The following ALG13 variants were observed in gnomAD, a reference collection of about 807,000 sequenced individuals.
The protein encoded by ALG13 is UDP-N-acetylglucosamine transferase subunit ALG13.
A neutral mutation model predicts 87.8 loss-of-function variants in ALG13; 11 were observed. That is an observed-to-expected ratio of 0.13 (90% CI 0.08 to 0.21). The LOEUF (loss-of-function observed/expected upper bound fraction) is 0.21, where lower values mean the gene tolerates loss of function less well. Ranked by LOEUF, ALG13 falls within the 10% of genes least tolerant of loss-of-function variation. The pLI, the probability that ALG13 is intolerant of heterozygous loss-of-function variation, is 1.00. For missense variants in ALG13, 756 were observed against 866.1 expected (o/e 0.87, Z 1.60); for synonymous variants, 320 against 306.3 (o/e 1.04, Z -0.47).
intron 13 of ALG13, among the ~76,000 whole-genome samples, 171 bp from the exon 14 acceptor site, chrX:111,723,627 T>A (rs1941660345): frequency 8.9e-6 from 1 of 112,106 alleles, no homozygotes; most frequent in African/African-American, 3.2e-5. Context: ...ATTTAGTGAT[T>A]AGATGTAAGG....
At chrX:111,693,558 T>G (rs972586613) in intron 3 of ALG13, among the ~76,000 whole-genome samples, 6 of 111,931 alleles carry the variant, frequency 5.4e-5, no homozygotes, top group African/African-American at 1.6e-4. Flanking sequence ...AATACATGCT[T>G]CTTAATGTTG....
At chrX:111,696,968 G>A (rs1037625932) in intron 3 of ALG13, among the ~76,000 whole-genome samples, 1 of 102,365 alleles carries the variant, frequency 9.8e-6, no homozygotes, top group Non-Finnish European at 2.0e-5. Flanking sequence ...CAGTGAAATT[G>A]CTCTGGTTCT....
chrX:111,738,480 G>T (rs1231756417), intron 23 of ALG13, among the ~76,000 whole-genome samples: 1 of 112,168 alleles, frequency 8.9e-6, no homozygotes, highest in East Asian at 2.8e-4. Context: ...TCAAATTAGG[G>T]ATACCCACTC....
chrX:111,739,304 A>G (rs990555424), intron 23 of ALG13, among the ~76,000 whole-genome samples: 1 of 112,150 alleles, frequency 8.9e-6, no homozygotes. Flanking sequence ...CGCTCCCATG[A>G]TCCAGCCACC....
intron 16 of ALG13, 28 bp downstream of exon 16, chrX:111,727,083 A>G (rs1403811245): frequency 1.5e-5 from 18 of 1,206,890 alleles, no homozygotes; most frequent in Non-Finnish European, 2.0e-5. Flanking sequence ...TTGTATTTTC[A>G]TGGTCTAGGG....
At position 111,684,981 on chromosome X, in the gene ALG13, G is replaced by A; in HGVS notation, c.261G>A (p.Leu87=). The A allele has an allele frequency of 8.3e-7, 1 of 1,208,171 alleles. No individual in the cohort carries two copies. Among genetic ancestry groups the A allele is most frequent in the South Asian group, 1.8e-5 (1 of 56,340 alleles). Reference sequence around the variant, plus strand: ...TATTTGTAGGTGCAGGAAGCTGTTTGGAGACTCTGGAAAAAGGAAAGCCAC... The same window carrying A: ...TATTTGTAGGTGCAGGAAGCTGTTTAGAGACTCTGGAAAAAGGAAAGCCAC... ...VISHAGAGSC[L]ETLEKGKPLV... The change falls in exon 3 of 27, where the codon TTG becomes TTA. Residue 87 remains leucine, a synonymous_variant. Transcript: ENST00000394780.
intron 3 of ALG13, among the ~76,000 whole-genome samples, chrX:111,690,931 G>C (rs1936022415): frequency 9.0e-6 from 1 of 110,943 alleles, no homozygotes; most frequent in Admixed American, 9.6e-5. Context: ...CCTCTGATTT[G>C]TTCATAAATG....
In ALG13 at chrX:111,688,715, TTAACTG is replaced by T. The variant is rs1296880447; in HGVS notation, c.383+3617_383+3622del. On this transcript the variant is annotated intron_variant, in intron 3 of 26. Coordinates refer to ENST00000394780, the MANE Select transcript of ALG13 (RefSeq NM_001099922.3). ...CTCCTCTCACAGTGGTAATGAAACA[TTAACTG>T]TAACAGAAATTTACAATTTATGTGC... The T allele has an allele frequency of 5.4e-6, 4 of 746,598 alleles. No homozygotes were observed. In the African/African-American group the frequency reaches 9.3e-5, roughly 17 times the overall value. The allele number at this position is 746,598 out of a possible 1,213,427, so 61.5% of individuals were successfully genotyped here.
At chrX:111,741,781 C>T (rs1404234036) in intron 23 of ALG13, among the ~76,000 whole-genome samples, 3 of 108,144 alleles carry the variant, frequency 2.8e-5, no homozygotes, top group Non-Finnish European at 5.7e-5. Context: ...TCATTGCACT[C>T]CAGCCTGGGC....
Position 111,682,132 on chromosome X carries a change from A to C in ALG13, c.82A>C (p.Lys28Gln). 4 of 1,170,576 alleles carry C rather than the reference A, an allele frequency of 3.4e-6. No homozygotes were observed. Among genetic ancestry groups the C allele is most frequent in the Non-Finnish European group, 4.6e-6 (4 of 877,145 alleles). ...ACVSAPDSLQ[K>Q]IESLGYNRLI... ...CTCACATTCTGATTTCCTCTTTCAG[A>C]AAATCGAGAGCCTTGGTTACAACCG... Residue 28 changes from lysine to glutamine, a missense_variant and splice_region_variant, in exon 2 of 27, where the codon AAA becomes CAA. By Grantham distance (53) the Lys-to-Gln change is moderately conservative (BLOSUM62 1). Around this residue, in one of 9 missense-constraint regions of ALG13, gnomAD observed 153 missense variants for 168.7 expected, o/e 0.91. Transcript: ENST00000394780.
chrX:111,714,340 A>G (rs12839085), intron 8 of ALG13: 2 of 110,169 alleles, frequency 1.8e-5, no homozygotes, highest in Non-Finnish European at 3.8e-5. Flanking sequence ...AGCATAAGGG[A>G]AAAAGCCCTT....
At chrX:111,718,055 A>G in intron 9 of ALG13, 57 bp from the exon 10 acceptor site, 6 of 1,111,403 alleles carry the variant, frequency 5.4e-6, no homozygotes, top group Non-Finnish European at 7.3e-6. Context: ...GACTATTTTC[A>G]CATAGTTAAT....
At chrX:111,752,572 C>T (rs1429169704) in intron 24 of ALG13, among the ~76,000 whole-genome samples, 1 of 109,946 alleles carries the variant, frequency 9.1e-6, no homozygotes, top group Non-Finnish European at 1.9e-5. Context: ...CCCGCCACCA[C>T]GTCCGGCTAA....
chrX:111,723,373 C>T (rs1467815031), intron 13 of ALG13, among the ~76,000 whole-genome samples: 1 of 109,630 alleles, frequency 9.1e-6, no homozygotes, highest in Non-Finnish European at 1.9e-5. Context: ...CTCCTGACCT[C>T]GTGATCCACC....
chrX:111,682,215 G>A lies in ALG13; in HGVS notation c.165G>A (p.Ser55=). 2 of 1,201,191 alleles carry A rather than the reference G, an allele frequency of 1.7e-6. No individual in the cohort carries two copies. Among genetic ancestry groups the A allele is most frequent in the Non-Finnish European group, 2.2e-6 (2 of 889,474 alleles). The change falls in exon 2 of 27, where the codon TCG becomes TCA. Residue 55 remains serine (S), a synonymous_variant. Transcript: ENST00000394780. ...TVVPEPFSTE[S]FTLDVYRYKD... The stretch of plus-strand genomic sequence containing the variant: ...TACCTGAACCCTTCAGTACTGAGTC[G>A]TTTACTCTGGATGTTTACAGGTACA...
At chrX:111,681,663 T>G in intron 1 of ALG13, 1 of 894,507 alleles carries the variant, frequency 1.1e-6, no homozygotes. Flanking sequence ...CGGCAGTTTT[T>G]CCTCAGGCCC....
intron 3 of ALG13, among the ~76,000 whole-genome samples, chrX:111,685,546 A>T (rs1423514746): frequency 8.9e-6 from 1 of 112,578 alleles, no homozygotes; most frequent in African/African-American, 3.2e-5. Flanking sequence ...AATATATAAA[A>T]GGCACTGTTT....
intron 10 of ALG13, among the ~76,000 whole-genome samples, chrX:111,718,596 C>G (rs900926516): frequency 8.9e-6 from 1 of 111,942 alleles, no homozygotes; most frequent in Non-Finnish European, 1.9e-5. Flanking sequence ...CCTACTGTCA[C>G]AAAATTTGAG....
chrX:111,753,528 C>CAAA (rs1391211319), intron 25 of ALG13, among the ~76,000 whole-genome samples: 2 of 111,388 alleles, frequency 1.8e-5, no homozygotes, highest in East Asian at 5.6e-4. Flanking sequence ...AAAAGATTAA[C>CAAA]AAAATAGATA....
Sources: allele counts gnomAD v4.1 joint callset (sites outside exome capture counted in the v4.1 genomes callset), GRCh38; gene constraint gnomAD v4.1.1; regional missense constraint gnomAD v4.1.1; transcripts MANE v1.5; gene names NCBI Gene and HGNC (gene_info 2026-07-23, HGNC 2026-07-21).